The following WAC variants were observed in gnomAD, a reference collection of about 807,000 sequenced individuals.
WAC encodes WW domain containing adaptor with coiled-coil.
In WAC, 11 loss-of-function variants were observed where a neutral mutation model predicts 79.6. That is an observed-to-expected ratio of 0.14 (90% CI 0.09 to 0.23). The LOEUF is 0.23. Ranked by LOEUF, WAC falls within the 10% of genes least tolerant of loss-of-function variation. The pLI, the probability that WAC is intolerant of heterozygous loss-of-function variation, is 1.00. For missense variants in WAC, 728 were observed against 773.5 expected, an observed-to-expected ratio of 0.94 and a Z score of 0.70; for synonymous variants, 304 against 276.9, an observed-to-expected ratio of 1.10 and a Z score of -0.97.
At chr10:28,561,026 G>A (rs1838274743) in intron 3 of WAC, among the ~76,000 whole-genome samples, 1 of 152,202 alleles carries the variant, frequency 6.6e-6, no homozygotes, top group Non-Finnish European at 1.5e-5. Flanking sequence ...AATGTCTACT[G>A]AATGCCAGAT....
At chr10:28,547,784 A>G (rs1837435049) in intron 3 of WAC, among the ~76,000 whole-genome samples, 1 of 152,082 alleles carries the variant, frequency 6.6e-6, no homozygotes, top group African/African-American at 2.4e-5. Context: ...TTGAAAATTT[A>G]GAGTTTTTCC....
chr10:28,597,355 A>G (rs534649008), intron 7 of WAC, among the ~76,000 whole-genome samples: 10 of 152,318 alleles, frequency 6.6e-5, no homozygotes, highest in Middle Eastern at 3.4e-3. Context: ...AATTTTGACA[A>G]TTTGCTCACA....
chr10:28,563,687 C>T (rs190907625), intron 3 of WAC, among the ~76,000 whole-genome samples: 2 of 148,314 alleles, frequency 1.3e-5, no homozygotes, highest in South Asian at 2.2e-4. Flanking sequence ...TCAAGCAATT[C>T]TCCTGCCTCA....
chr10:28,600,053 A>C (rs1266039187), intron 7 of WAC, among the ~76,000 whole-genome samples: 1 of 152,194 alleles, frequency 6.6e-6, no homozygotes, highest in African/African-American at 2.4e-5. Flanking sequence ...GTTTGCTATG[A>C]CCAAGTTGTC....
At position 28,533,674 on chromosome 10, in the gene WAC, G is replaced by GGA. The variant is rs1564366771; in HGVS notation, c.41+55_41+56insAG. On this transcript the variant is annotated intron_variant, in intron 1 of 13. Coordinates refer to ENST00000354911, the MANE Select transcript of WAC (RefSeq NM_016628.5). Reference sequence around the variant, plus strand: ...CGGCGGCGGGGGGCGGCGGCGGGGGGGCTGTTCCTCCTTATCTGGAGCTGG... The same window carrying GGA: ...CGGCGGCGGGGGGCGGCGGCGGGGGGGAGCTGTTCCTCCTTATCTGGAGCTGG... The GGA allele has an allele frequency of 8.6e-6, 13 of 1,505,034 alleles. 1 individual carries two copies. The African/African-American group carries it at 1.9e-4, about 22-fold the overall frequency. 93.2% of individuals were successfully genotyped at this position (1,505,034 alleles called of 1,614,324 possible). A position where few individuals can be genotyped will look rare whatever the true frequency, so the allele number is the denominator to read the frequency against.
intron 9 of WAC, chr10:28,611,259 C>G (rs1048231498): frequency 1.5e-6 from 2 of 1,292,410 alleles, no homozygotes; most frequent in Non-Finnish European, 2.0e-6. Context: ...AATTAGATAT[C>G]CCTCTTCATG....
chr10:28,613,375 G>C (rs1381499566), intron 10 of WAC, among the ~76,000 whole-genome samples: 1 of 151,866 alleles, frequency 6.6e-6, no homozygotes, highest in African/African-American at 2.4e-5. Context: ...AACTTTCTTG[G>C]GCATGGTGAT....
intron 3 of WAC, among the ~76,000 whole-genome samples, chr10:28,582,334 A>G (rs1839580944): frequency 6.6e-6 from 1 of 152,228 alleles, no homozygotes; most frequent in Admixed American, 6.5e-5. Flanking sequence ...GTTCTGTATT[A>G]ATCGGACCAT....
At chr10:28,614,206 C>T (rs940546656) in intron 10 of WAC, among the ~76,000 whole-genome samples, 5 of 151,822 alleles carry the variant, frequency 3.3e-5, no homozygotes, top group Admixed American at 3.3e-4. Flanking sequence ...TCCGGGTTCA[C>T]GCCATTCTCC....
Position 28,614,531 on chromosome 10 carries a change from A to AT in WAC, c.1438-33dup, listed in dbSNP as rs749182449. The AT allele has an allele frequency of 1.9e-6, 3 of 1,543,192 alleles. No homozygotes were observed. The Admixed American group carries it at 5.0e-5, about 26-fold the overall frequency. ...TTTTGGGGGGAGAGATGTGGATTAGATTTGGAGACCATCTCACCAGATTTT... is the reference window on the plus strand; with the variant it reads ...TTTTGGGGGGAGAGATGTGGATTAGATTTTGGAGACCATCTCACCAGATTTT... On this transcript the variant is annotated intron_variant, in intron 10 of 13. Transcript: ENST00000354911.
chr10:28,614,637 A>G lies in WAC; in HGVS notation c.1508A>G (p.Lys503Arg), dbSNP rs868263951. The G allele has an allele frequency of 3.1e-6, 5 of 1,614,222 alleles. 1 individual carries two copies. In the Middle Eastern group the frequency reaches 8.2e-4, roughly 266 times the overall value. The stretch of plus-strand genomic sequence containing the variant: ...ACACAGCAGCCTGTAACTGCTGACA[A>G]GCAGCAAGGTCATGAACCTGTCTCT... ...SATQQPVTAD[K>R]QQGHEPVSPR... The change falls in exon 11 of 14, where the codon AAG becomes AGG. Residue 503 changes from lysine (K) to arginine (R), a missense_variant. Around this residue, in one of 3 missense-constraint regions of WAC, gnomAD observed 648 missense variants for 661.5 expected, o/e 0.98. Transcript: ENST00000354911.
chr10:28,616,138 T>G, intron 11 of WAC, 35 bp from the exon 12 acceptor site: 1 of 1,497,458 alleles, frequency 6.7e-7, no homozygotes. Context: ...AGAAACTACT[T>G]TTAAACATAC....
Position 28,608,265 on chromosome 10 carries a change from A to G in WAC, c.999A>G (p.Thr333=). 1 of 1,614,146 alleles carries G rather than the reference A, an allele frequency of 6.2e-7. No individual in the cohort carries two copies. Among genetic ancestry groups the G allele is most frequent in the Non-Finnish European group, 8.5e-7 (1 of 1,180,028 alleles). Reference sequence around the variant, plus strand: ...CTTCTGCCTCTGGACTGAACCCCACATCTGCACCTCCAACATCTGCTTCAG... The same window carrying G: ...CTTCTGCCTCTGGACTGAACCCCACGTCTGCACCTCCAACATCTGCTTCAG... ...STSSASGLNP[T]SAPPTSASAV... The change falls in exon 8 of 14, where the codon ACA becomes ACG. Residue 333 remains threonine (T), a synonymous_variant. Coordinates refer to ENST00000354911, the MANE Select transcript of WAC (RefSeq NM_016628.5).
chr10:28,577,416 A>G (rs765665341), intron 3 of WAC, among the ~76,000 whole-genome samples: 15 of 152,192 alleles, frequency 9.9e-5, no homozygotes, highest in Non-Finnish European at 1.6e-4. Flanking sequence ...TACTCTGATA[A>G]TAAAGTTGCA....
At chr10:28,602,315 G>A (rs1189032357) in intron 7 of WAC, among the ~76,000 whole-genome samples, 1 of 152,172 alleles carries the variant, frequency 6.6e-6, no homozygotes, top group East Asian at 1.9e-4. Flanking sequence ...TTTCTTTGTT[G>A]TAAAACAGCA....
intron 4 of WAC, among the ~76,000 whole-genome samples, chr10:28,586,524 A>G (rs1443259732): frequency 6.6e-6 from 1 of 152,080 alleles, no homozygotes; most frequent in Non-Finnish European, 1.5e-5. Flanking sequence ...AAAAAATAAA[A>G]ATAAAAAAAT....
intron 7 of WAC, among the ~76,000 whole-genome samples, chr10:28,598,629 G>C (rs1840492544): frequency 6.6e-6 from 1 of 152,104 alleles, no homozygotes; most frequent in South Asian, 2.1e-4. Flanking sequence ...TCTTATCTTA[G>C]AAATGAAGAG....
rs750941388 is a variant in WAC at position 28,559,135 on chromosome 10, G to GTGTGTGTGTGTGT, written c.274+23378_274+23379insTGTGTGTGTGTGT. Among the ~76,000 whole-genome samples the GTGTGTGTGTGTGT allele has an allele frequency of 1.4e-4, 9 of 64,804 alleles. No individual in the cohort carries two copies. In the East Asian group the frequency reaches 4.2e-3, roughly 30 times the overall value. The allele number at this position is 64,804 out of a possible 152,430, so 42.5% of individuals were successfully genotyped here. On this transcript the variant is annotated intron_variant, in intron 3 of 13. Transcript: ENST00000354911. ...TTAAATCTCTGCTCTCGAGAAACCT[G>GTGTGTGTGTGTGT]ATGTGTGTGTGTGTGTGTGTGTGTG...
intron 3 of WAC, among the ~76,000 whole-genome samples, chr10:28,580,451 G>A (rs1292729191): frequency 6.6e-6 from 1 of 152,150 alleles, no homozygotes; most frequent in African/African-American, 2.4e-5. Context: ...AGGTCTTTCA[G>A]CAAACTTTTA....
Sources: gnomAD v4.1 joint callset for allele counts (sites outside exome capture counted in the v4.1 genomes callset) on GRCh38, gnomAD v4.1.1 for gene constraint, gnomAD v4.1.1 regional missense constraint, MANE v1.5 for transcripts, NCBI Gene and HGNC (gene_info 2026-07-23, HGNC 2026-07-21) for gene names.